The following ACOT7 variants were observed in gnomAD, a reference collection of about 807,000 sequenced individuals.
The protein encoded by ACOT7 is acyl-CoA thioesterase 7.
ACOT7 carries 12 observed loss-of-function variants against 40.2 expected under a neutral mutation model. That is an observed-to-expected ratio of 0.30 (90% CI 0.19 to 0.48). The LOEUF is 0.48. Among genes scored for constraint, ACOT7 ranks in the 20% least tolerant of loss-of-function variants. The pLI is 0.99. For synonymous variants in ACOT7, 228 were observed against 219.5 expected (o/e 1.04, Z -0.34); for missense variants, 395 against 530.8 (o/e 0.74, Z 2.51).
In ACOT7 at chr1:6,355,052, T is replaced by C. The variant is rs567872555; in HGVS notation, c.144-5186A>G. Among the ~76,000 whole-genome samples, 1 of 152,048 alleles carries C rather than the reference T, an allele frequency of 6.6e-6. No individual in the cohort carries two copies. The highest frequency in any genetic ancestry group is 2.4e-5 in the African/African-American group (1 of 41,452). ...GGATTGGGAACTTTTCCGCCTCAAC[T>C]CTCACTGCCCTGCGGGGCTCCGACC... On this transcript the variant is annotated intron_variant, in intron 1 of 8. Coordinates refer to ENST00000361521, the MANE Select transcript of ACOT7 (RefSeq NM_007274.4). This position sits in a 1 kb window ranked among gnomAD's most constrained non-coding sequence, Gnocchi z 5.0.
chr1:6,312,946 C>T (rs949270205), intron 6 of ACOT7, among the ~76,000 whole-genome samples: 3 of 152,114 alleles, frequency 2.0e-5, no homozygotes, highest in Admixed American at 6.5e-5. Context: ...TGGCCTAGAG[C>T]GCAGAGATTG....
chr1:6,284,576 CAAAAAAAAAAAA>C (rs561943319), intron 7 of ACOT7, among the ~76,000 whole-genome samples: 1 of 57,980 alleles, frequency 1.7e-5, no homozygotes, highest in Non-Finnish European at 3.4e-5. Context: ...AACTCCATCT[CAAAAAAAAAAAA>C]AAAAAAAAAA....
At chr1:6,273,323 C>T (rs1639089298) in intron 8 of ACOT7, among the ~76,000 whole-genome samples, 1 of 152,236 alleles carries the variant, frequency 6.6e-6, no homozygotes, top group Non-Finnish European at 1.5e-5. Context: ...TCTCAGCACC[C>T]ATGCTCGGGT....
In ACOT7 at chr1:6,336,112, C is replaced by T. The variant is rs370224902; in HGVS notation, c.419-2544G>A. On this transcript the variant is annotated intron_variant, in intron 3 of 8. Transcript: ENST00000361521. ...CTGTAATCCCAGCACTCTGGCAGGC[C>T]GAGGCAGGCGGATCACGAGCTCAGA... Among the ~76,000 whole-genome samples the T allele has an allele frequency of 4.0e-4, 61 of 152,148 alleles. No individual in the cohort carries two copies. In the South Asian group the frequency reaches 0.011, roughly 28 times the overall value.
In ACOT7 at chr1:6,274,252, T is replaced by C. The variant is rs557813208; in HGVS notation, c.1014+6850A>G. Among the ~76,000 whole-genome samples, 1 of 152,304 alleles carries C rather than the reference T, an allele frequency of 6.6e-6. No individual in the cohort carries two copies. The highest frequency in any genetic ancestry group is 2.1e-4 in the South Asian group (1 of 4,824). On this transcript the variant is annotated intron_variant, in intron 8 of 8. Coordinates refer to ENST00000361521, the MANE Select transcript of ACOT7 (RefSeq NM_007274.4). This position sits in a 1 kb window ranked among gnomAD's most constrained non-coding sequence, Gnocchi z 5.9. ...GGAGAGGGAACTTGGGGTAACAGCC[T>C]GGCGACGGCTCAAGACAGCCACAGC... is the stretch of plus-strand genomic sequence containing the variant.
intron 6 of ACOT7, among the ~76,000 whole-genome samples, chr1:6,316,043 G>C (rs550638348): frequency 1.3e-5 from 2 of 152,190 alleles, no homozygotes; most frequent in Non-Finnish European, 2.9e-5. Flanking sequence ...GCTTAAGGGT[G>C]TGGACTTTTC....
chr1:6,362,882 T>C (rs957284326), intron 1 of ACOT7, among the ~76,000 whole-genome samples: 7 of 152,134 alleles, frequency 4.6e-5, no homozygotes, highest in African/African-American at 1.7e-4. Context: ...AGACCCCATC[T>C]CTACCAAAAA....
At chr1:6,391,373 G>A (rs1344218510) in intron 1 of ACOT7, among the ~76,000 whole-genome samples, 3 of 152,154 alleles carry the variant, frequency 2.0e-5, no homozygotes, top group Non-Finnish European at 4.4e-5. Context: ...AGGCGTGGTG[G>A]CGCACTCTTG....
intron 1 of ACOT7, among the ~76,000 whole-genome samples, chr1:6,362,870 T>C (rs1329700117): frequency 6.6e-6 from 1 of 152,022 alleles, no homozygotes; most frequent in Non-Finnish European, 1.5e-5. Context: ...GGCAACATGG[T>C]GAGACCCCAT....
chr1:6,277,974 G>A (rs533593206), intron 8 of ACOT7, among the ~76,000 whole-genome samples: 3 of 152,226 alleles, frequency 2.0e-5, no homozygotes, highest in Non-Finnish European at 1.5e-5. Flanking sequence ...TAGAAAGTGC[G>A]TGCCTAAGGC....
intron 1 of ACOT7, among the ~76,000 whole-genome samples, chr1:6,369,769 A>G (rs1336988876): frequency 6.6e-6 from 1 of 151,762 alleles, no homozygotes; most frequent in Non-Finnish European, 1.5e-5. Flanking sequence ...TTGTAGAGAC[A>G]GGATTTCAAC....
Position 6,306,825 on chromosome 1 carries a change from G to C in ACOT7, c.712+11667C>G. On this transcript the variant is annotated intron_variant, in intron 6 of 8. Coordinates refer to ENST00000361521, the MANE Select transcript of ACOT7 (RefSeq NM_007274.4). This position sits in a 1 kb window ranked among gnomAD's most constrained non-coding sequence, Gnocchi z 4.3. ...GGGGCTCCGGCCAAACAAGGTCACGGAATTGGAAAAGAGTAACTGTGCCCT... is the reference window on the plus strand; with the variant it reads ...GGGGCTCCGGCCAAACAAGGTCACGCAATTGGAAAAGAGTAACTGTGCCCT... 1 of 1,289,146 alleles carries C rather than the reference G, an allele frequency of 7.8e-7. No individual in the cohort carries two copies. Among genetic ancestry groups the C allele is most frequent in the Non-Finnish European group, 1.0e-6 (1 of 988,678 alleles). 79.9% of individuals were successfully genotyped at this position (1,289,146 alleles called of 1,614,324 possible).
At chr1:6,295,005 G>C (rs35553413) in intron 6 of ACOT7, 25 bp from the exon 7 acceptor site, 239,018 of 1,554,534 alleles carry the variant, frequency 0.15, 23,107 homozygotes, top group African/African-American at 0.47. Flanking sequence ...ACATGCGGCA[G>C]ATGAGACACG....
chr1:6,367,687 G>C (rs1200431158), intron 1 of ACOT7, among the ~76,000 whole-genome samples: 1 of 152,162 alleles, frequency 6.6e-6, no homozygotes, highest in Non-Finnish European at 1.5e-5. Flanking sequence ...CCCCAAAGAG[G>C]GAGTCACAAC....
At chr1:6,265,825 T>A (rs1638834955) in intron 8 of ACOT7, among the ~76,000 whole-genome samples, 1 of 152,234 alleles carries the variant, frequency 6.6e-6, no homozygotes, top group Admixed American at 6.5e-5. Flanking sequence ...CTTCATTTCA[T>A]CCACAATGAC....
rs1639964655 is a variant in ACOT7 at position 6,301,132 on chromosome 1, TC to T, written c.713-6153del. On this transcript the variant is annotated intron_variant, in intron 6 of 8. Coordinates refer to ENST00000361521, the MANE Select transcript of ACOT7 (RefSeq NM_007274.4). This position sits in a 1 kb window ranked among gnomAD's most constrained non-coding sequence, Gnocchi z 4.1. ...CAGTGCTGGCCACCAGCTGGTGTCATCAACTCAGGGTGGTTTAGCTGTGGGG... is the reference window on the plus strand; with the variant it reads ...CAGTGCTGGCCACCAGCTGGTGTCATAACTCAGGGTGGTTTAGCTGTGGGG... 6.6e-6 allele frequency among the ~76,000 whole-genome samples: 1 copy of T among 152,166 alleles called. No individual in the cohort carries two copies. Among genetic ancestry groups the T allele is most frequent in the South Asian group, 2.1e-4 (1 of 4,820 alleles).
chr1:6,392,291 T>C (rs1481505395), intron 1 of ACOT7, among the ~76,000 whole-genome samples: 1 of 152,164 alleles, frequency 6.6e-6, no homozygotes, highest in Admixed American at 6.5e-5. Flanking sequence ...CTCTCACTCC[T>C]GGTAGTTCAT....
chr1:6,390,370 G>A (rs71629787), intron 1 of ACOT7, among the ~76,000 whole-genome samples: 1,778 of 141,246 alleles, frequency 0.013, 32 homozygotes, highest in African/African-American at 0.043. Context: ...TCAGGAGTTC[G>A]AGACTAGCCT....
At chr1:6,384,041 G>A (rs565496631) in intron 1 of ACOT7, among the ~76,000 whole-genome samples, 1 of 151,646 alleles carries the variant, frequency 6.6e-6, no homozygotes, top group East Asian at 1.9e-4. Flanking sequence ...ATAGAGATCA[G>A]ATCTTGCTAT....
Sources: allele counts gnomAD v4.1 joint callset (sites outside exome capture counted in the v4.1 genomes callset), GRCh38; gene constraint gnomAD v4.1.1; non-coding constraint Gnocchi (gnomAD v3.1); transcripts MANE v1.5; gene names NCBI Gene and HGNC (gene_info 2026-07-23, HGNC 2026-07-21).